The following CATSPERT variants were observed in gnomAD, a reference collection of about 807,000 sequenced individuals.
CATSPERT encodes the protein catsper channel auxiliary subunit tau.
the CATSPERT span, among the ~76,000 whole-genome samples, chr2:201,607,863 A>G: frequency 6.6e-6 from 1 of 152,082 alleles, no homozygotes; most frequent in African/African-American, 2.4e-5. Flanking sequence ...ATCAGGGTGG[A>G]CCCTAATCCC....
At chr2:201,576,091 T>C in the CATSPERT span, among the ~76,000 whole-genome samples, 4 of 152,198 alleles carry the variant, frequency 2.6e-5, no homozygotes, top group African/African-American at 7.2e-5. Flanking sequence ...TAAGTTACAG[T>C]TCCCCTTTTT....
At chr2:201,590,852 G>GT in the CATSPERT span, among the ~76,000 whole-genome samples, 5 of 151,088 alleles carry the variant, frequency 3.3e-5, no homozygotes, top group East Asian at 7.8e-4. Flanking sequence ...TTGTAAATTT[G>GT]TTTGAGTTCA....
At chr2:201,534,529 CA>C in the CATSPERT span, 2 of 982,204 alleles carry the variant, frequency 2.0e-6, no homozygotes, top group African/African-American at 1.8e-5. Flanking sequence ...AAAACCTAAA[CA>C]AAATCCCCAA....
At chr2:201,533,852 T>C in the CATSPERT span, among the ~76,000 whole-genome samples, 1 of 152,106 alleles carries the variant, frequency 6.6e-6, no homozygotes, top group African/African-American at 2.4e-5. Context: ...GGTGACCCTG[T>C]GCTCGTCCCA....
At chr2:201,496,603 A>G in the CATSPERT span, among the ~76,000 whole-genome samples, 3 of 152,308 alleles carry the variant, frequency 2.0e-5, no homozygotes, top group Non-Finnish European at 4.4e-5. Context: ...TTGGCCTCCC[A>G]AAGTGCTGGG....
the CATSPERT span, among the ~76,000 whole-genome samples, chr2:201,564,484 G>A: frequency 6.6e-6 from 1 of 152,118 alleles, no homozygotes; most frequent in East Asian, 1.9e-4. Context: ...ATAATGAAAT[G>A]GTCAGACTTG....
At chr2:201,551,874 C>T in the CATSPERT span, among the ~76,000 whole-genome samples, 1 of 149,664 alleles carries the variant, frequency 6.7e-6, no homozygotes, top group South Asian at 2.1e-4. Flanking sequence ...CACCATCGCA[C>T]TTCAGCCTGG....
chr2:201,530,010 A>G, the CATSPERT span, among the ~76,000 whole-genome samples: 1 of 152,318 alleles, frequency 6.6e-6, no homozygotes, highest in South Asian at 2.1e-4. Flanking sequence ...AAAATACTCA[A>G]TATCTCTGAT....
At chr2:201,508,437 T>C in the CATSPERT span, among the ~76,000 whole-genome samples, 77,155 of 152,184 alleles carry the variant, frequency 0.51, 20,580 homozygotes, top group African/African-American at 0.69. Context: ...CCTACAATTG[T>C]GGTTTTTTTC....
chr2:201,522,672 G>C, the CATSPERT span, among the ~76,000 whole-genome samples: 2 of 152,204 alleles, frequency 1.3e-5, no homozygotes, highest in African/African-American at 4.8e-5. Flanking sequence ...AGCTGGCAGG[G>C]AGAGCTGCTT....
At chr2:201,618,989 C>T in the CATSPERT span, 1 of 1,614,036 alleles carries the variant, frequency 6.2e-7, no homozygotes, top group South Asian at 1.1e-5. Context: ...ACCGAAGAAG[C>T]CTCCGACCCT....
At chr2:201,520,887 A>AG in the CATSPERT span, among the ~76,000 whole-genome samples, 3 of 15,812 alleles carry the variant, frequency 1.9e-4, no homozygotes, top group Non-Finnish European at 7.0e-4. Flanking sequence ...CCTGTCTCAG[A>AG]AAAAAAAAAA....
chr2:201,534,108 A>C, the CATSPERT span, among the ~76,000 whole-genome samples: 341 of 152,178 alleles, frequency 2.2e-3, 3 homozygotes, highest in African/African-American at 7.8e-3. Flanking sequence ...ATATATATAT[A>C]TCTGAGACAG....
chr2:201,531,882 T>A, the CATSPERT span, among the ~76,000 whole-genome samples: 867 of 152,310 alleles, frequency 5.7e-3, 12 homozygotes, highest in East Asian at 0.037. Context: ...ATTCCAGGCA[T>A]GAAAACACGC....
chr2:201,556,425 C>T, the CATSPERT span, among the ~76,000 whole-genome samples: 2 of 150,880 alleles, frequency 1.3e-5, no homozygotes, highest in Non-Finnish European at 2.9e-5. Flanking sequence ...AGAAGAATGG[C>T]GTGAACCCGG....
chr2:201,601,850 G>A, the CATSPERT span: 1 of 1,605,184 alleles, frequency 6.2e-7, no homozygotes, highest in Non-Finnish European at 8.5e-7. Context: ...TTATAGAGAT[G>A]CGAATGAATA....
chr2:201,538,029 G>A, the CATSPERT span, among the ~76,000 whole-genome samples: 1 of 151,922 alleles, frequency 6.6e-6, no homozygotes, highest in African/African-American at 2.4e-5. Flanking sequence ...TTTAATGGTG[G>A]TAAGAACAAT....
chr2:201,548,962 G>A, the CATSPERT span, among the ~76,000 whole-genome samples: 1 of 151,842 alleles, frequency 6.6e-6, no homozygotes, highest in Non-Finnish European at 1.5e-5. Flanking sequence ...TCTCTTCCAG[G>A]ACAGGACCCC....
chr2:201,489,046 A>G, the CATSPERT span, among the ~76,000 whole-genome samples: 6 of 152,178 alleles, frequency 3.9e-5, no homozygotes, highest in Non-Finnish European at 5.9e-5. Flanking sequence ...AGGTGCTCCT[A>G]CGACTCAATT....
Sources: gnomAD v4.1 joint callset for allele counts (sites outside exome capture counted in the v4.1 genomes callset) on GRCh38, gnomAD v4.1.1 for gene constraint, MANE v1.5 for transcripts, NCBI Gene and HGNC (gene_info 2026-07-23, HGNC 2026-07-21) for gene names.